Variants in MALRD1 observed in about 807,000 individuals in gnomAD.
The protein encoded by MALRD1 is MAM and LDL-receptor class A domain-containing protein 1.
A neutral mutation model predicts 242.1 loss-of-function variants in MALRD1; 247 were observed. The ratio of observed to expected loss-of-function variants is 1.02; its 90% confidence interval spans 0.92 to 1.13. The LOEUF (loss-of-function observed/expected upper bound fraction) is 1.13, where lower values mean the gene tolerates loss of function less well. Among genes scored for constraint, MALRD1 ranks in the 50% most tolerant of loss-of-function variants. The pLI, the probability that MALRD1 is intolerant of heterozygous loss-of-function variation, is 0.00. For synonymous variants in MALRD1, 995 were observed against 866.6 expected (o/e 1.15, Z -2.60); for missense variants, 2,989 against 2,533.1 (o/e 1.18, Z -3.86).
intron 36 of MALRD1, among the ~76,000 whole-genome samples, chr10:19,690,643 A>G (rs1197552223): frequency 6.6e-6 from 1 of 151,990 alleles, no homozygotes; most frequent in African/African-American, 2.4e-5. Context: ...AAATTAACAT[A>G]AGAATTATTT....
intron 21 of MALRD1, among the ~76,000 whole-genome samples, chr10:19,306,225 A>G (rs1424174153): frequency 9.6e-6 from 1 of 103,938 alleles, no homozygotes; most frequent in East Asian, 3.0e-4. Flanking sequence ...CACACATACT[A>G]TATATACTAT....
At chr10:19,592,374 A>G (rs1236820153) in intron 33 of MALRD1, among the ~76,000 whole-genome samples, 1 of 152,242 alleles carries the variant, frequency 6.6e-6, no homozygotes, top group South Asian at 2.1e-4. Flanking sequence ...ATTGAGGCAT[A>G]GGGCCTGGGC....
intron 10 of MALRD1, among the ~76,000 whole-genome samples, chr10:19,145,277 C>A (rs1196726572): frequency 6.6e-6 from 1 of 152,132 alleles, no homozygotes; most frequent in Non-Finnish European, 1.5e-5. Flanking sequence ...CCCCGACTTT[C>A]TCTAGAACCA....
intron 35 of MALRD1, among the ~76,000 whole-genome samples, chr10:19,611,414 A>G (rs567276684): frequency 5.1e-4 from 78 of 152,160 alleles, no homozygotes; most frequent in African/African-American, 1.6e-3. Context: ...TTGTTTTTAT[A>G]TGCATGTTCC....
intron 29 of MALRD1, among the ~76,000 whole-genome samples, chr10:19,455,061 C>A (rs1323572980): frequency 6.6e-6 from 1 of 152,036 alleles, no homozygotes; most frequent in African/African-American, 2.4e-5. Context: ...AGGCTCTCTC[C>A]TTTTTGGACA....
At chr10:19,074,516 G>T (rs568408798) in intron 2 of MALRD1, among the ~76,000 whole-genome samples, 6 of 152,122 alleles carry the variant, frequency 3.9e-5, no homozygotes, top group Non-Finnish European at 8.8e-5. Context: ...TTGTGTATTG[G>T]ATAATATATT....
chr10:19,235,389 C>T (rs960081632), intron 18 of MALRD1, among the ~76,000 whole-genome samples: 18 of 149,348 alleles, frequency 1.2e-4, no homozygotes, highest in African/African-American at 3.7e-4. Flanking sequence ...ATTTTTTTTT[C>T]GTGTATTTGT....
At chr10:19,466,278 G>A (rs925874023) in intron 29 of MALRD1, among the ~76,000 whole-genome samples, 3 of 151,714 alleles carry the variant, frequency 2.0e-5, no homozygotes, top group East Asian at 3.9e-4. Flanking sequence ...CATTGTCTTC[G>A]CATATTGTTC....
chr10:19,247,310 A>C (rs1839102274), intron 18 of MALRD1, among the ~76,000 whole-genome samples: 1 of 152,164 alleles, frequency 6.6e-6, no homozygotes, highest in Non-Finnish European at 1.5e-5. Flanking sequence ...TTCATTAAAA[A>C]TATTCTCAAC....
intron 24 of MALRD1, among the ~76,000 whole-genome samples, chr10:19,345,205 C>G (rs1374567134): frequency 2.7e-5 from 4 of 147,452 alleles, no homozygotes; most frequent in Non-Finnish European, 6.0e-5. Context: ...GGGAAAAGAT[C>G]AAAAGAAAAA....
At position 19,692,330 on chromosome 10, in the gene MALRD1, T is replaced by A; in HGVS notation, c.6186T>A (p.Pro2062=). ...ATCGATGCCATATCAAGTTTAATCC[T>A]CCTGCTACAGACTTCACATACGCTC... is the stretch of plus-strand genomic sequence containing the variant. ...KGNRCHIKFN[P]PATDFTYAQN... is the part of the protein sequence containing the mutation. Residue 2062 remains proline, a synonymous_variant, in exon 37 of 40, where the codon CCT becomes CCA. Transcript: ENST00000454679. The A allele has an allele frequency of 6.5e-7, 1 of 1,535,526 alleles. No homozygotes were observed. Among genetic ancestry groups the A allele is most frequent in the Non-Finnish European group, 8.7e-7 (1 of 1,146,540 alleles).
Position 19,513,443 on chromosome 10 carries a change from A to T in MALRD1, c.5320+14797A>T, listed in dbSNP as rs541053438. On this transcript the variant is annotated intron_variant, in intron 31 of 39. Coordinates refer to ENST00000454679, the MANE Select transcript of MALRD1 (RefSeq NM_001142308.3). ...TAAATCTCTTTTTTTTTTTTTTTTG[A>T]AAATTATCCAACCTGGCCGGGCGTG... Among the ~76,000 whole-genome samples the T allele has an allele frequency of 2.4e-3, 321 of 135,890 alleles. 1 individual carries two copies. Among genetic ancestry groups the T allele is most frequent in the African/African-American group, 8.2e-3 (307 of 37,272 alleles). The allele number at this position is 135,890 out of a possible 152,430, so 89.1% of individuals were successfully genotyped here.
intron 29 of MALRD1, chr10:19,489,104 A>T (rs1293346995): frequency 2.2e-6 from 1 of 463,390 alleles, no homozygotes; most frequent in Non-Finnish European, 4.4e-6. Flanking sequence ...AGAATGCCCA[A>T]GAGGAAGGTC....
chr10:19,499,817 G>T (rs186978087), intron 31 of MALRD1, among the ~76,000 whole-genome samples: 1 of 152,252 alleles, frequency 6.6e-6, no homozygotes, highest in Admixed American at 6.5e-5. Flanking sequence ...ATATATTCCA[G>T]GCAGATTGAA....
chr10:19,150,878 T>C (rs1248813367), intron 11 of MALRD1, among the ~76,000 whole-genome samples: 1 of 152,322 alleles, frequency 6.6e-6, no homozygotes, highest in East Asian at 1.9e-4. Context: ...ATCATGACGA[T>C]GTTTCAAATT....
intron 35 of MALRD1, among the ~76,000 whole-genome samples, chr10:19,611,083 A>T (rs934834088): frequency 5.9e-5 from 9 of 152,002 alleles, no homozygotes; most frequent in African/African-American, 2.2e-4. Flanking sequence ...GAGAACAATT[A>T]TTTAATACCT....
intron 38 of MALRD1, among the ~76,000 whole-genome samples, chr10:19,703,598 T>G (rs1833717109): frequency 6.6e-6 from 1 of 152,116 alleles, no homozygotes; most frequent in East Asian, 1.9e-4. Context: ...AAATCAAGAT[T>G]AAAGGGTACA....
At chr10:19,647,627 A>G (rs1008273195) in intron 36 of MALRD1, among the ~76,000 whole-genome samples, 7 of 152,176 alleles carry the variant, frequency 4.6e-5, no homozygotes, top group Non-Finnish European at 1.0e-4. Context: ...TATAGGGAGA[A>G]CCTAAGTAAG....
intron 29 of MALRD1, among the ~76,000 whole-genome samples, chr10:19,468,141 G>T (rs1247426980): frequency 1.3e-5 from 2 of 152,064 alleles, no homozygotes; most frequent in African/African-American, 2.4e-5. Context: ...TGCACCAAGA[G>T]AACATCCTGT....
Sources: allele counts gnomAD v4.1 joint callset (sites outside exome capture counted in the v4.1 genomes callset), GRCh38; gene constraint gnomAD v4.1.1; transcripts MANE v1.5; gene names NCBI Gene and HGNC (gene_info 2026-07-23, HGNC 2026-07-21).